The following MIGA1 variants were observed in gnomAD, a reference collection of about 807,000 sequenced individuals.
The protein encoded by MIGA1 is family with sequence similarity 73, member A.
In MIGA1, 58 loss-of-function variants were observed where a neutral mutation model predicts 82.0. The ratio of observed to expected loss-of-function variants is 0.71; its 90% CI spans 0.57 to 0.88. The LOEUF (loss-of-function observed/expected upper bound fraction) is 0.88, where lower values mean the gene tolerates loss of function less well. Among genes scored for constraint, MIGA1 ranks in the 40% least tolerant of loss-of-function variants. The probability of loss-of-function intolerance (pLI) is 0.00; values close to 1 mark genes in which losing one functional copy is unlikely to be tolerated. For synonymous variants in MIGA1, 249 were observed against 253.6 expected (o/e 0.98, Z 0.17); for missense variants, 751 against 749.1 (o/e 1.00, Z -0.03).
intron 2 of MIGA1, among the ~76,000 whole-genome samples, chr1:77,791,473 A>G (rs910183053): frequency 1.3e-5 from 2 of 152,062 alleles, no homozygotes; most frequent in Non-Finnish European, 2.9e-5. Flanking sequence ...ATTACAAAAT[A>G]AACCTGCTTT....
At chr1:77,788,779 A>G (rs1353885852) in intron 2 of MIGA1, among the ~76,000 whole-genome samples, 1 of 152,208 alleles carries the variant, frequency 6.6e-6, no homozygotes. Context: ...TGTGCCCTTG[A>G]TGCCAGTACC....
At chr1:77,863,252 G>T (rs993295017) in intron 12 of MIGA1, among the ~76,000 whole-genome samples, 14 of 152,086 alleles carry the variant, frequency 9.2e-5, no homozygotes, top group Non-Finnish European at 1.8e-4. Flanking sequence ...AGTGCCTGTT[G>T]TCTTTTCTCT....
At chr1:77,858,758 A>G (rs1685356984) in intron 8 of MIGA1, among the ~76,000 whole-genome samples, 180 bp from the exon 9 acceptor site, 5 of 152,148 alleles carry the variant, frequency 3.3e-5, no homozygotes, top group Admixed American at 3.3e-4. Context: ...AGCTAGGACC[A>G]CAGGTGCATG....
rs756364018 is a variant in MIGA1 at position 77,874,987 on chromosome 1, C to T, written c.1822C>T (p.Leu608=). 1 of 1,614,118 alleles carries T rather than the reference C, an allele frequency of 6.2e-7. No individual in the cohort carries two copies. The highest frequency in any genetic ancestry group is 8.5e-7 in the Non-Finnish European group (1 of 1,180,018). The change falls in exon 16 of 16, where the codon CTG becomes TTG. Residue 608 remains leucine, a synonymous_variant. Coordinates refer to ENST00000370791, the MANE Select transcript of MIGA1 (RefSeq NM_198549.4). ...AATGGCCTATCTTGAAGCAGATGCCCTGAGGCATACAAGTAGTTGTCTAAG... is the reference window on the plus strand; with the variant it reads ...AATGGCCTATCTTGAAGCAGATGCCTTGAGGCATACAAGTAGTTGTCTAAG...
At chr1:77,846,583 G>A (rs963534051) in intron 8 of MIGA1, among the ~76,000 whole-genome samples, 1 of 151,836 alleles carries the variant, frequency 6.6e-6, no homozygotes, top group Non-Finnish European at 1.5e-5. Flanking sequence ...ATCCTCCCTC[G>A]TTGGCCTCCC....
chr1:77,787,510 T>C (rs1682218758), intron 2 of MIGA1, among the ~76,000 whole-genome samples: 1 of 151,104 alleles, frequency 6.6e-6, no homozygotes. Flanking sequence ...TGCCTTAGCC[T>C]CCTGAGTAGC....
chr1:77,854,850 A>G (rs770612736), intron 8 of MIGA1, among the ~76,000 whole-genome samples: 3 of 151,990 alleles, frequency 2.0e-5, no homozygotes, highest in African/African-American at 4.8e-5. Flanking sequence ...TGGGTTGTCT[A>G]CTTACTCTGT....
chr1:77,835,723 G>A (rs1248989463), intron 7 of MIGA1, among the ~76,000 whole-genome samples: 1 of 152,114 alleles, frequency 6.6e-6, no homozygotes, highest in Non-Finnish European at 1.5e-5. Flanking sequence ...CAAGCCGGGT[G>A]GATCACTTGA....
At chr1:77,841,322 G>T (rs1269835023) in intron 7 of MIGA1, among the ~76,000 whole-genome samples, 2 of 151,654 alleles carry the variant, frequency 1.3e-5, no homozygotes, top group Non-Finnish European at 2.9e-5. Flanking sequence ...TGTAAAGTCT[G>T]ATCTCACCAA....
intron 2 of MIGA1, among the ~76,000 whole-genome samples, chr1:77,798,236 G>A (rs920370867): frequency 6.6e-6 from 1 of 152,164 alleles, no homozygotes; most frequent in Non-Finnish European, 1.5e-5. Flanking sequence ...TCCTCTGAAG[G>A]TTCTAGGGGA....
chr1:77,826,662 G>A (rs1684037007), intron 7 of MIGA1, among the ~76,000 whole-genome samples: 1 of 152,116 alleles, frequency 6.6e-6, no homozygotes, highest in African/African-American at 2.4e-5. Flanking sequence ...TTTTTGTAGA[G>A]ACAGGATCTC....
At chr1:77,831,030 T>A (rs769483744) in intron 7 of MIGA1, among the ~76,000 whole-genome samples, 8 of 152,210 alleles carry the variant, frequency 5.3e-5, no homozygotes, top group Non-Finnish European at 1.0e-4. Context: ...ACTCAGAGCC[T>A]AACCTCCATC....
intron 7 of MIGA1, among the ~76,000 whole-genome samples, chr1:77,838,082 C>G (rs1291197221): frequency 1.3e-5 from 2 of 152,206 alleles, no homozygotes; most frequent in African/African-American, 4.8e-5. Context: ...CTTTTCTGCT[C>G]TCAGCTATTT....
intron 8 of MIGA1, 51 bp downstream of exon 8, chr1:77,843,458 A>G: frequency 7.2e-7 from 1 of 1,384,724 alleles, no homozygotes; most frequent in Non-Finnish European, 1.0e-6. Context: ...TTTGGTGGAA[A>G]CAACAGTCTT....
At chr1:77,790,867 T>C (rs1682387858) in intron 2 of MIGA1, among the ~76,000 whole-genome samples, 1 of 152,122 alleles carries the variant, frequency 6.6e-6, no homozygotes, top group Non-Finnish European at 1.5e-5. Context: ...GGATTACAGG[T>C]GTGAGCCACT....
intron 2 of MIGA1, among the ~76,000 whole-genome samples, chr1:77,794,355 A>G (rs555749865): frequency 6.6e-6 from 1 of 152,110 alleles, no homozygotes; most frequent in Non-Finnish European, 1.5e-5. Context: ...TTTAGTTGTC[A>G]GGTTTCCTTA....
chr1:77,792,073 G>A (rs1203995349), intron 2 of MIGA1, among the ~76,000 whole-genome samples: 1 of 152,130 alleles, frequency 6.6e-6, no homozygotes, highest in Non-Finnish European at 1.5e-5. Flanking sequence ...GAAAGAAAGA[G>A]TGGTGAAAGG....
chr1:77,816,438 T>C (rs1683576051), intron 7 of MIGA1, among the ~76,000 whole-genome samples: 1 of 152,236 alleles, frequency 6.6e-6, no homozygotes, highest in East Asian at 1.9e-4. Flanking sequence ...GTTTTAACTT[T>C]TTCCACATTA....
rs573119720 is a variant in MIGA1 at position 77,811,893 on chromosome 1, C to T, written c.638-1841C>T. ...TTAACAGGGCCAGGAGGAACCGCTA[C>T]GGCCACCACCGCCACCTGCCGAGGA... On this transcript the variant is annotated intron_variant, in intron 5 of 15. Transcript: ENST00000370791. 4.6e-3 allele frequency: 6,644 copies of T among 1,432,408 alleles called. 54 individuals are homozygous for T. Among genetic ancestry groups the T allele is most frequent in the South Asian group, 0.026 (1,714 of 64,872 alleles). The allele number at this position is 1,432,408 out of a possible 1,614,324, so 88.7% of individuals were successfully genotyped here.
Sources: allele counts gnomAD v4.1 joint callset (sites outside exome capture counted in the v4.1 genomes callset), GRCh38; gene constraint gnomAD v4.1.1; transcripts MANE v1.5; gene names NCBI Gene and HGNC (gene_info 2026-07-23, HGNC 2026-07-21).